RORA: variants seen among roughly 807,000 people sequenced by gnomAD.
The protein encoded by RORA is nuclear receptor ROR-alpha.
RORA carries 7 observed loss-of-function variants against 69.5 expected under a neutral mutation model. The observed-to-expected ratio is 0.10, with a 90% CI of 0.06 to 0.19. The LOEUF is 0.19. Among genes scored for constraint, RORA ranks in the 10% least tolerant of loss-of-function variants. The pLI is 1.00. For missense variants in RORA, 457 were observed against 663.0 expected, an observed-to-expected ratio of 0.69 and a Z score of 3.41; for synonymous variants, 261 against 240.8, an observed-to-expected ratio of 1.08 and a Z score of -0.78.
chr15:60,955,828 A>T (rs1235208798), intron 1 of RORA, among the ~76,000 whole-genome samples: 1 of 152,110 alleles, frequency 6.6e-6, no homozygotes, highest in African/African-American at 2.4e-5. Context: ...GCTTTCCAAC[A>T]TTTTTTTAGT....
chr15:61,109,505 ACACCCT>A (rs1388098625), intron 1 of RORA, among the ~76,000 whole-genome samples: 1 of 152,198 alleles, frequency 6.6e-6, no homozygotes, highest in Non-Finnish European at 1.5e-5. Context: ...TTCAGCCAGC[ACACCCT>A]CATCCAGCCC....
chr15:60,920,625 TG>T (rs1892013275), intron 1 of RORA, among the ~76,000 whole-genome samples: 1 of 152,204 alleles, frequency 6.6e-6, no homozygotes, highest in Non-Finnish European at 1.5e-5. Flanking sequence ...CTACATACCA[TG>T]GGTTCATAGT....
At chr15:61,189,422 T>C (rs1231011135) in intron 1 of RORA, among the ~76,000 whole-genome samples, 1 of 152,160 alleles carries the variant, frequency 6.6e-6, no homozygotes, top group Non-Finnish European at 1.5e-5. Flanking sequence ...AGCCTGTCTA[T>C]CTGGTTTCCC....
chr15:61,131,803 C>T lies in RORA; in HGVS notation c.166+97250G>A, dbSNP rs942804288. The stretch of plus-strand genomic sequence containing the variant: ...CAGGAGTGAGAAAAATGAAACTGGA[C>T]TCCAGTTCTGCCACCAAACGGATGT... On this transcript the variant is annotated intron_variant, in intron 1 of 10. Transcript: ENST00000335670. The surrounding 1 kb of genome is among the most constrained non-coding windows in gnomAD (Gnocchi z 4.2). Among the ~76,000 whole-genome samples, 1 of 152,218 alleles carries T rather than the reference C, an allele frequency of 6.6e-6. No individual in the cohort carries two copies. The highest frequency in any genetic ancestry group is 2.4e-5 in the African/African-American group (1 of 41,462).
chr15:60,703,212 A>C (rs2071010539), intron 1 of RORA, among the ~76,000 whole-genome samples: 1 of 152,054 alleles, frequency 6.6e-6, no homozygotes, highest in African/African-American at 2.4e-5. Context: ...ATATATTGAC[A>C]AGATAAATCT....
intron 1 of RORA, among the ~76,000 whole-genome samples, chr15:60,806,118 T>C (rs1347290190): frequency 6.6e-6 from 1 of 152,168 alleles, no homozygotes; most frequent in Non-Finnish European, 1.5e-5. Context: ...TTGAAATTCT[T>C]CCTTTCAGTA....
intron 1 of RORA, among the ~76,000 whole-genome samples, chr15:60,948,374 C>A (rs181822670): frequency 2.0e-5 from 3 of 152,274 alleles, no homozygotes; most frequent in East Asian, 3.9e-4. Context: ...TTTCTTTCCA[C>A]TCCAAAATGC....
chr15:60,583,377 A>C (rs754131234), intron 2 of RORA, among the ~76,000 whole-genome samples: 22 of 152,352 alleles, frequency 1.4e-4, no homozygotes, highest in Non-Finnish European at 2.4e-4. Flanking sequence ...TGAATAAAGC[A>C]ACCTTGAAAA....
intron 1 of RORA, among the ~76,000 whole-genome samples, chr15:61,028,213 C>T (rs1895932615): frequency 6.6e-6 from 1 of 151,970 alleles, no homozygotes; most frequent in African/African-American, 2.4e-5. Flanking sequence ...CAACTTAATT[C>T]CAATAAATAT....
chr15:61,180,343 G>A (rs1208381634), intron 1 of RORA, among the ~76,000 whole-genome samples: 1 of 151,966 alleles, frequency 6.6e-6, no homozygotes, highest in South Asian at 2.1e-4. Flanking sequence ...TATCTTCTAC[G>A]AATTTGGAGA....
At position 60,516,173 on chromosome 15, in the gene RORA, TTA is replaced by T. The variant is rs1208453743; in HGVS notation, c.283-1418_283-1417del. On this transcript the variant is annotated intron_variant, in intron 3 of 10. Transcript: ENST00000335670. Reference sequence around the variant, plus strand: ...TATATATATATATTTATATATATATTTATATATATATTTATATATATATTTAT... The same window carrying T: ...TATATATATATATTTATATATATATTTATATATATTTATATATATATTTAT... 4.6e-3 allele frequency among the ~76,000 whole-genome samples: 160 copies of T among 34,710 alleles called. 3 individuals carry two copies. Among genetic ancestry groups the T allele is most frequent in the African/African-American group, 0.015 (144 of 9,774 alleles). The allele number at this position is 34,710 out of a possible 152,430, so 22.8% of individuals were successfully genotyped here.
intron 2 of RORA, among the ~76,000 whole-genome samples, chr15:60,639,206 A>G (rs980728048): frequency 3.7e-4 from 50 of 133,990 alleles, no homozygotes; most frequent in Admixed American, 3.2e-3. Flanking sequence ...TTAAACCATA[A>G]GCAGGTTTTT....
intron 1 of RORA, among the ~76,000 whole-genome samples, chr15:61,034,124 T>C (rs1291654554): frequency 6.6e-6 from 1 of 152,196 alleles, no homozygotes; most frequent in Non-Finnish European, 1.5e-5. Flanking sequence ...GCCAAAGCTA[T>C]TTAAAGACTG....
intron 1 of RORA, among the ~76,000 whole-genome samples, chr15:61,185,998 C>T (rs1478819553): frequency 6.6e-6 from 1 of 152,208 alleles, no homozygotes; most frequent in African/African-American, 2.4e-5. Context: ...AACCTTCACT[C>T]TAAGAAAACA....
chr15:60,864,428 G>C (rs1370106096), intron 1 of RORA, among the ~76,000 whole-genome samples: 1 of 151,242 alleles, frequency 6.6e-6, no homozygotes, highest in African/African-American at 2.4e-5. Context: ...TCACAGTTTC[G>C]ATGGGGACTT....
intron 1 of RORA, among the ~76,000 whole-genome samples, chr15:60,876,324 G>C (rs74017820): frequency 0.33 from 46,784 of 142,618 alleles, 9,516 homozygotes; most frequent in South Asian, 0.37. Flanking sequence ...GGGGGGGGGG[G>C]GGCGGCTAGG....
intron 2 of RORA, among the ~76,000 whole-genome samples, chr15:60,586,075 G>A (rs1160794426): frequency 6.6e-6 from 1 of 151,990 alleles, no homozygotes; most frequent in Non-Finnish European, 1.5e-5. Flanking sequence ...TGATTTTCCT[G>A]GATACTTAAT....
At chr15:61,148,472 C>T (rs12900948) in intron 1 of RORA, among the ~76,000 whole-genome samples, 72,994 of 151,982 alleles carry the variant, frequency 0.48, 19,128 homozygotes, top group Non-Finnish European at 0.59. Flanking sequence ...GGCATCACCC[C>T]GCTCACCATC....
chr15:60,883,163 A>ATC (rs1442149974), intron 1 of RORA, among the ~76,000 whole-genome samples: 1 of 91,076 alleles, frequency 1.1e-5, no homozygotes, highest in Non-Finnish European at 2.7e-5. Flanking sequence ...AAAGAGAGAG[A>ATC]GAGAGAGAGA....
Sources: allele counts gnomAD v4.1 joint callset (sites outside exome capture counted in the v4.1 genomes callset), GRCh38; gene constraint gnomAD v4.1.1; non-coding constraint Gnocchi (gnomAD v3.1); transcripts MANE v1.5; gene names NCBI Gene and HGNC (gene_info 2026-07-23, HGNC 2026-07-21).